FHIT: variants seen among roughly 807,000 people sequenced by gnomAD.
FHIT encodes fragile histidine triad diadenosine triphosphatase, also known as bis(5'-adenosyl)-triphosphatase.
In FHIT, 19 loss-of-function variants were observed where a neutral mutation model predicts 17.9. The ratio of observed to expected loss-of-function variants is 1.06; its 90% confidence interval spans 0.74 to 1.56. The LOEUF (loss-of-function observed/expected upper bound fraction) is 1.56, where lower values mean the gene tolerates loss of function less well. Ranked by LOEUF, FHIT falls within the 40% of genes most tolerant of loss-of-function variation. The pLI, the probability that FHIT is intolerant of heterozygous loss-of-function variation, is 0.00. For synonymous variants in FHIT, 81 were observed against 69.7 expected (o/e 1.16, Z -0.81); for missense variants, 248 against 189.2 (o/e 1.31, Z -1.82).
intron 4 of FHIT, among the ~76,000 whole-genome samples, chr3:60,610,712 C>A (rs985813925): frequency 1.3e-5 from 2 of 152,162 alleles, no homozygotes; most frequent in African/African-American, 4.8e-5. Context: ...AAACACCTTG[C>A]GGCTGCTCTT....
intron 5 of FHIT, among the ~76,000 whole-genome samples, chr3:60,134,842 A>C (rs1559664966): frequency 1.3e-5 from 2 of 152,192 alleles, no homozygotes; most frequent in Non-Finnish European, 2.9e-5. Context: ...TGTGGTGTCA[A>C]GCTGTGGTAC....
chr3:60,890,149 A>C (rs1184869432), intron 3 of FHIT, among the ~76,000 whole-genome samples: 1 of 149,488 alleles, frequency 6.7e-6, no homozygotes, highest in African/African-American at 2.5e-5. Context: ...ACAGTGTTCT[A>C]CTTCCAGGTA....
In FHIT at chr3:60,078,267, C is replaced by T. The variant is rs143207744; in HGVS notation, c.104-64115G>A. Reference sequence around the variant, plus strand: ...AGAAACCTGGTAGACACCACACCAACCAAGTGATCAAAGTTAATACCAAGA... The same window carrying T: ...AGAAACCTGGTAGACACCACACCAATCAAGTGATCAAAGTTAATACCAAGA... On this transcript the variant is annotated intron_variant, in intron 5 of 9. Coordinates refer to ENST00000492590, the MANE Select transcript of FHIT (RefSeq NM_002012.4). Among the ~76,000 whole-genome samples, 13 of 152,172 alleles carry T rather than the reference C, an allele frequency of 8.5e-5. No individual in the cohort carries two copies. The East Asian group carries it at 2.3e-3, about 27-fold the overall frequency.
At chr3:60,040,389 C>T (rs1351035890) in intron 5 of FHIT, among the ~76,000 whole-genome samples, 1 of 152,094 alleles carries the variant, frequency 6.6e-6, no homozygotes, top group Non-Finnish European at 1.5e-5. Context: ...GGTGATCCAC[C>T]CACCTCGGCC....
At chr3:60,245,513 C>A (rs570181843) in intron 5 of FHIT, among the ~76,000 whole-genome samples, 1 of 152,018 alleles carries the variant, frequency 6.6e-6, no homozygotes, top group Non-Finnish European at 1.5e-5. Context: ...ACCTTACCAA[C>A]AAGTGACTAA....
chr3:61,207,888 T>G (rs1190460936), intron 1 of FHIT, among the ~76,000 whole-genome samples: 1 of 152,254 alleles, frequency 6.6e-6, no homozygotes, highest in African/African-American at 2.4e-5. Flanking sequence ...GCTTCTCTAG[T>G]TCTTTTAATT....
At chr3:59,964,345 T>C (rs1707824391) in intron 7 of FHIT, among the ~76,000 whole-genome samples, 1 of 152,144 alleles carries the variant, frequency 6.6e-6, no homozygotes, top group South Asian at 2.1e-4. Flanking sequence ...CCATTCCCCA[T>C]GAACAATGGG....
At chr3:61,168,029 G>C (rs1220192251) in intron 2 of FHIT, among the ~76,000 whole-genome samples, 1 of 152,070 alleles carries the variant, frequency 6.6e-6, no homozygotes, top group African/African-American at 2.4e-5. Context: ...AGCCCACAGG[G>C]CCAGACTTGG....
intron 4 of FHIT, among the ~76,000 whole-genome samples, chr3:60,715,777 T>C (rs547560944): frequency 4.0e-5 from 6 of 151,838 alleles, no homozygotes; most frequent in Admixed American, 3.3e-4. Flanking sequence ...ATAATAATAA[T>C]AAAAAACAAA....
intron 5 of FHIT, among the ~76,000 whole-genome samples, chr3:60,027,122 C>T (rs576203356): frequency 1.6e-5 from 2 of 125,414 alleles, no homozygotes; most frequent in Admixed American, 1.5e-4. Context: ...CACACACACA[C>T]ACACACACAC....
intron 2 of FHIT, among the ~76,000 whole-genome samples, chr3:61,167,628 C>CAAAAAAAAAAAAAAA (rs34229498): frequency 2.0e-5 from 2 of 98,946 alleles, no homozygotes; most frequent in Non-Finnish European, 2.1e-5. Context: ...AACTGTGTCT[C>CAAAAAAAAAAAAAAA]AAAAAAAAAA....
At chr3:60,064,332 G>A (rs1702411498) in intron 5 of FHIT, among the ~76,000 whole-genome samples, 1 of 152,056 alleles carries the variant, frequency 6.6e-6, no homozygotes, top group South Asian at 2.1e-4. Flanking sequence ...TGGTATTTTT[G>A]AAATTTTTAG....
chr3:59,821,339 TGGGCTCATGTC>T (rs1457193976), intron 8 of FHIT, among the ~76,000 whole-genome samples: 2 of 152,208 alleles, frequency 1.3e-5, no homozygotes, highest in African/African-American at 4.8e-5. Flanking sequence ...AGGTCTTTGT[TGGGCTCATGTC>T]GGGGTAAAGA....
chr3:60,949,596 G>A (rs782221343), intron 3 of FHIT, among the ~76,000 whole-genome samples: 5 of 152,178 alleles, frequency 3.3e-5, no homozygotes, highest in East Asian at 1.9e-4. Context: ...CTATCCTGTC[G>A]CTGAATTTAC....
intron 8 of FHIT, among the ~76,000 whole-genome samples, chr3:59,772,621 T>C (rs533001552): frequency 8.9e-4 from 136 of 152,304 alleles, no homozygotes; most frequent in African/African-American, 3.2e-3. Context: ...GTAACCACTG[T>C]GCATAGTGCC....
intron 5 of FHIT, among the ~76,000 whole-genome samples, chr3:60,399,873 T>C (rs1701592344): frequency 6.6e-6 from 1 of 152,172 alleles, no homozygotes; most frequent in Non-Finnish European, 1.5e-5. Context: ...TAGCTGTCCA[T>C]AGTGCCACCT....
At chr3:60,217,600 C>T (rs895093510) in intron 5 of FHIT, among the ~76,000 whole-genome samples, 8 of 152,152 alleles carry the variant, frequency 5.3e-5, no homozygotes, top group South Asian at 2.1e-4. Flanking sequence ...ATAAAACCTA[C>T]GCTAGTCCAC....
At chr3:59,992,171 C>T (rs959179020) in intron 7 of FHIT, among the ~76,000 whole-genome samples, 1 of 152,062 alleles carries the variant, frequency 6.6e-6, no homozygotes, top group Non-Finnish European at 1.5e-5. Context: ...TCCCCTACTA[C>T]TTCCCTTCAG....
At chr3:60,624,019 G>T (rs140594805) in intron 4 of FHIT, among the ~76,000 whole-genome samples, 4 of 152,282 alleles carry the variant, frequency 2.6e-5, no homozygotes, top group African/African-American at 9.6e-5. Flanking sequence ...TAAGTACAAT[G>T]TTATAGTAAT....
Sources: gnomAD v4.1 joint callset for allele counts (sites outside exome capture counted in the v4.1 genomes callset) on GRCh38, gnomAD v4.1.1 for gene constraint, MANE v1.5 for transcripts, NCBI Gene and HGNC (gene_info 2026-07-23, HGNC 2026-07-21) for gene names.